ATP10D: variants seen among roughly 807,000 people sequenced by gnomAD.
The protein encoded by ATP10D is phospholipid-transporting ATPase VD.
Under a neutral mutation model 144.8 loss-of-function variants are expected in ATP10D, and 89 were observed. The observed-to-expected ratio is 0.61, with a 90% CI of 0.52 to 0.73. The LOEUF (loss-of-function observed/expected upper bound fraction) is 0.73. Ranked by LOEUF, ATP10D falls within the 30% of genes least tolerant of loss-of-function variation. The pLI, the probability that ATP10D is intolerant of heterozygous loss-of-function variation, is 0.00. For synonymous variants in ATP10D, 571 were observed against 615.1 expected (o/e 0.93, Z 1.06); for missense variants, 1,603 against 1,714.8 (o/e 0.93, Z 1.15).
At chr4:47,575,289 C>T (rs966914934) in intron 18 of ATP10D, among the ~76,000 whole-genome samples, 2 of 152,148 alleles carry the variant, frequency 1.3e-5, no homozygotes, top group Non-Finnish European at 2.9e-5. Flanking sequence ...AGTCCAATGT[C>T]CTTTCCTGTG....
At chr4:47,562,612 C>A (rs945654415) in intron 14 of ATP10D, among the ~76,000 whole-genome samples, 1 of 152,136 alleles carries the variant, frequency 6.6e-6, no homozygotes, top group South Asian at 2.1e-4. Context: ...ATTAGTACAA[C>A]CTCTATGGAA....
rs1345117600 is a variant in ATP10D, at chr4:47,592,645, T to G, written c.*1264T>G. The G allele has an allele frequency of 6.6e-6, 1 of 152,576 alleles. No homozygotes were observed. The highest frequency in any genetic ancestry group is 1.5e-5 in the Non-Finnish European group (1 of 68,000). The allele number at this position is 152,576 out of a possible 1,614,324, so 9.5% of individuals were successfully genotyped here. On this transcript the variant is annotated 3_prime_UTR_variant, in exon 23 of 23. Transcript: ENST00000273859. ...CCAGAATTTCCTTCCTGAATCTCCA[T>G]GCTCATATGCAATGTCTACATCAAG...
chr4:47,503,906 T>A (rs1329421858), intron 1 of ATP10D, among the ~76,000 whole-genome samples: 3 of 150,898 alleles, frequency 2.0e-5, no homozygotes, highest in Non-Finnish European at 4.4e-5. Context: ...TAAAAAAAAA[T>A]AATAAATAAA....
chr4:47,550,727 G>C (rs1394399910), intron 10 of ATP10D, among the ~76,000 whole-genome samples: 4 of 152,204 alleles, frequency 2.6e-5, no homozygotes, highest in African/African-American at 9.7e-5. Flanking sequence ...CAATTAGGAT[G>C]AACCCAGGCA....
At chr4:47,496,156 CTTTTTTTTT>C (rs5858072) in intron 1 of ATP10D, among the ~76,000 whole-genome samples, 6 of 132,888 alleles carry the variant, frequency 4.5e-5, no homozygotes, top group Non-Finnish European at 6.2e-5. Flanking sequence ...TTTCCTTTTT[CTTTTTTTTT>C]TTTTTTTTTG....
intron 1 of ATP10D, chr4:47,491,498 A>G: frequency 1.6e-6 from 1 of 616,442 alleles, no homozygotes; most frequent in East Asian, 3.4e-5. Context: ...TTCTGGCCAA[A>G]AGGAAGTGCA....
At chr4:47,519,334 A>T (rs1716832614) in intron 3 of ATP10D, among the ~76,000 whole-genome samples, 1 of 152,132 alleles carries the variant, frequency 6.6e-6, no homozygotes, top group South Asian at 2.1e-4. Context: ...TTGCTACTGA[A>T]CTTATAAGAA....
At chr4:47,578,798 A>T (rs1297594889) in intron 19 of ATP10D, among the ~76,000 whole-genome samples, 1 of 152,216 alleles carries the variant, frequency 6.6e-6, no homozygotes, top group Non-Finnish European at 1.5e-5. Flanking sequence ...AGAAAAGTGG[A>T]CTGGAAACAA....
At chr4:47,550,190 G>A (rs1426131764) in intron 10 of ATP10D, among the ~76,000 whole-genome samples, 6 of 152,098 alleles carry the variant, frequency 3.9e-5, no homozygotes, top group Non-Finnish European at 8.8e-5. Context: ...CATCTAGAGT[G>A]TCTTTGTCCA....
At position 47,530,469 on chromosome 4, in the gene ATP10D, TG is replaced by T. The variant is rs1186912458; in HGVS notation, c.776+4828del. On this transcript the variant is annotated intron_variant, in intron 5 of 22. Transcript: ENST00000273859. ...CTTTTTGTTTGTTTGTTTGTTTGTT[TG>T]TTTTTCGAGACAGTCTCACTCTATT... 3.0e-3 allele frequency among the ~76,000 whole-genome samples: 455 copies of T among 152,232 alleles called. 1 individual carries two copies. Among genetic ancestry groups the T allele is most frequent in the African/African-American group, 0.01 (425 of 41,544 alleles).
chr4:47,561,512 T>C (rs997013409), intron 14 of ATP10D, among the ~76,000 whole-genome samples: 2 of 152,160 alleles, frequency 1.3e-5, no homozygotes, highest in African/African-American at 4.8e-5. Context: ...CAATGACTTG[T>C]TCAAGGTCAC....
intron 16 of ATP10D, among the ~76,000 whole-genome samples, chr4:47,570,264 T>C (rs934087461): frequency 1.3e-5 from 2 of 152,108 alleles, no homozygotes; most frequent in African/African-American, 4.8e-5. Flanking sequence ...GCTGGCATAT[T>C]GGATATGTTA....
chr4:47,590,999 A>C (rs1254486125), intron 22 of ATP10D, 43 bp from the exon 23 acceptor site: 8 of 1,305,046 alleles, frequency 6.1e-6, no homozygotes, highest in Admixed American at 4.6e-5. Flanking sequence ...TCTGTAATGC[A>C]TTTGAGATGA....
chr4:47,492,074 G>A (rs566175267), intron 1 of ATP10D, among the ~76,000 whole-genome samples: 36 of 152,220 alleles, frequency 2.4e-4, no homozygotes, highest in African/African-American at 8.7e-4. Flanking sequence ...TTCCAGTATC[G>A]ATAACAATGC....
Position 47,542,634 on chromosome 4 carries a change from C to A in ATP10D, c.1397-3990C>A, listed in dbSNP as rs1488752269. ...CTGGGATTACAGGTGCCCGCCACCA[C>A]ACCCAGCTAATTTTGTGTATTTTTA... On this transcript the variant is annotated intron_variant, in intron 9 of 22. Transcript: ENST00000273859. Among the ~76,000 whole-genome samples, 5 of 151,920 alleles carry A rather than the reference C, an allele frequency of 3.3e-5. No individual in the cohort carries two copies. In the South Asian group the frequency reaches 1.0e-3, roughly 31 times the overall value.
Position 47,576,777 on chromosome 4 carries a change from A to G in ATP10D, c.3371A>G (p.Tyr1124Cys), listed in dbSNP as rs778542947. 1.2e-6 allele frequency: 2 copies of G among 1,613,822 alleles called. No homozygotes were observed. Among genetic ancestry groups the G allele is most frequent in the South Asian group, 1.1e-5 (1 of 91,076 alleles). ...TGTCCTTCTTTGTGTCTCTAGGCCT[A>G]TGTGAACCTCCTTTTCTGGTACCAG... ...ILYFFYKNVA[Y>C]VNLLFWYQFF... is the part of the protein sequence containing the mutation. Residue 1124 changes from tyrosine (Y) to cysteine (C), a missense_variant, in exon 19 of 23, where the codon TAT becomes TGT. By Grantham distance (194) the Tyr-to-Cys change is radical. Transcript: ENST00000273859.
At chr4:47,554,939 A>C in intron 11 of ATP10D, 25 bp downstream of exon 11, 1 of 1,600,834 alleles carries the variant, frequency 6.2e-7, no homozygotes, top group Non-Finnish European at 8.6e-7. Context: ...TAATGCAAAC[A>C]AGGGTCACTT....
In ATP10D at chr4:47,572,182, A is replaced by G. The variant is rs768386807; in HGVS notation, c.3192A>G (p.Ile1064Met). Reference protein sequence around the residue: ...IGDGANDVSMIQVADIGIGVS... With the variant: ...IGDGANDVSMMQVADIGIGVS... ...ATGGTGCCAATGATGTTAGCATGAT[A>G]CAAGTGGCAGACATTGGGATAGGGG... Residue 1064 changes from isoleucine (I) to methionine (M), a missense_variant, in exon 17 of 23, where the codon ATA (isoleucine) becomes ATG (methionine). By Grantham distance (10) the Ile-to-Met change is conservative. Coordinates refer to ENST00000273859, the MANE Select transcript of ATP10D (RefSeq NM_020453.4). 6 of 1,614,092 alleles carry G rather than the reference A, an allele frequency of 3.7e-6. No homozygotes were observed. The South Asian group carries it at 6.6e-5, about 18-fold the overall frequency.
At chr4:47,535,048 T>C (rs750746890) in intron 5 of ATP10D, among the ~76,000 whole-genome samples, 1 of 152,078 alleles carries the variant, frequency 6.6e-6, no homozygotes, top group Non-Finnish European at 1.5e-5. Flanking sequence ...TTATCCTAAA[T>C]GAACTAATGC....
Sources: gnomAD v4.1 joint callset for allele counts (sites outside exome capture counted in the v4.1 genomes callset) on GRCh38, gnomAD v4.1.1 for gene constraint, MANE v1.5 for transcripts, NCBI Gene and HGNC (gene_info 2026-07-23, HGNC 2026-07-21) for gene names.